Variants in KIF6 observed in about 807,000 individuals in gnomAD.
KIF6 encodes the protein kinesin-like protein KIF6.
A neutral mutation model predicts 112.7 loss-of-function variants in KIF6; 106 were observed. The observed-to-expected ratio is 0.94, with a 90% CI of 0.80 to 1.11. The LOEUF (loss-of-function observed/expected upper bound fraction) is 1.11. Among genes scored for constraint, KIF6 ranks in the 50% least tolerant of loss-of-function variants. KIF6 has a pLI of 0.00. For missense variants in KIF6, 929 were observed against 964.0 expected, an observed-to-expected ratio of 0.96 and a Z score of 0.48; for synonymous variants, 339 against 339.9, an observed-to-expected ratio of 1.00 and a Z score of 0.03.
chr6:39,711,750 A>G (rs1415290634), intron 3 of KIF6, among the ~76,000 whole-genome samples: 1 of 152,218 alleles, frequency 6.6e-6, no homozygotes, highest in African/African-American at 2.4e-5. Flanking sequence ...AGAAATAGGT[A>G]TAACTTTGAG....
At chr6:39,633,051 T>A (rs558086560) in intron 5 of KIF6, among the ~76,000 whole-genome samples, 1 of 152,036 alleles carries the variant, frequency 6.6e-6, no homozygotes, top group Admixed American at 6.6e-5. Context: ...TCTAAGGATA[T>A]CATACTAGAT....
rs979630246 is a variant in KIF6, at chr6:39,639,527, C to T, written c.399+83G>A. On this transcript the variant is annotated intron_variant, in intron 4 of 22. Transcript: ENST00000287152. ...TTTATCATTTAGACACAATAAAATA[C>T]ATGTCATAATAAATTTCCTGCTTTC... 27 of 1,114,966 alleles carry T rather than the reference C, an allele frequency of 2.4e-5. No homozygotes were observed. In the Middle Eastern group the frequency reaches 6.2e-4, roughly 26 times the overall value. The allele number at this position is 1,114,966 out of a possible 1,614,324, so 69.1% of individuals were successfully genotyped here. A position where few individuals can be genotyped will look rare whatever the true frequency, so the allele number is the denominator to read the frequency against.
chr6:39,696,353 C>T (rs902928888), intron 3 of KIF6, among the ~76,000 whole-genome samples: 2 of 152,048 alleles, frequency 1.3e-5, no homozygotes, highest in Non-Finnish European at 2.9e-5. Context: ...CTTCTTCTCC[C>T]ACTTTTTCCT....
At chr6:39,683,429 G>A (rs1298860855) in intron 3 of KIF6, among the ~76,000 whole-genome samples, 7 of 152,136 alleles carry the variant, frequency 4.6e-5, no homozygotes, top group Non-Finnish European at 8.8e-5. Context: ...GGATAATTGA[G>A]GGAGGACAGA....
intron 13 of KIF6, among the ~76,000 whole-genome samples, chr6:39,433,751 G>A (rs1310074319): frequency 6.6e-6 from 1 of 152,210 alleles, no homozygotes; most frequent in Non-Finnish European, 1.5e-5. Context: ...TGCCTGCAGA[G>A]ACTTCAAGGC....
chr6:39,544,643 T>C lies in KIF6; in HGVS notation c.1338A>G (p.Glu446=). ...GTTCTTGACAATCTTGGTCTTTGCT[T>C]TCAGAGGAGACTGTATTGTTTTCAA... ...KILENNTVSS[E]SKDQDCQEPL... is the part of the protein sequence containing the mutation. Residue 446 remains glutamate (E), a synonymous_variant, in exon 12 of 23, where the codon GAA becomes GAG. Coordinates refer to ENST00000287152, the MANE Select transcript of KIF6 (RefSeq NM_145027.6). 1 of 1,612,288 alleles carries C rather than the reference T, an allele frequency of 6.2e-7. No individual in the cohort carries two copies. The highest frequency in any genetic ancestry group is 1.1e-5 in the South Asian group (1 of 90,676).
chr6:39,455,558 G>A lies in KIF6; in HGVS notation c.1646-24397C>T, dbSNP rs1294525443. 2.6e-5 allele frequency among the ~76,000 whole-genome samples: 4 copies of A among 152,038 alleles called. No homozygotes were observed. The East Asian group carries it at 7.8e-4, about 29-fold the overall frequency. ...GAGCTGAAGGAAGAAGGCTTCAGAC[G>A]ATCAAATTACTCTGAGCTACGGGAG... On this transcript the variant is annotated intron_variant, in intron 13 of 22. Transcript: ENST00000287152.
chr6:39,522,368 C>G (rs1777447106), intron 13 of KIF6, among the ~76,000 whole-genome samples: 1 of 152,150 alleles, frequency 6.6e-6, no homozygotes, highest in African/African-American at 2.4e-5. Context: ...TCATCCAGTA[C>G]CCCCAGCCAA....
chr6:39,531,125 A>G (rs1778038089), intron 13 of KIF6, among the ~76,000 whole-genome samples: 1 of 152,224 alleles, frequency 6.6e-6, no homozygotes, highest in South Asian at 2.1e-4. Flanking sequence ...TGGTAGAACT[A>G]TATCCAATAA....
intron 14 of KIF6, among the ~76,000 whole-genome samples, chr6:39,430,828 A>AC (rs1343417877): frequency 6.6e-6 from 1 of 152,228 alleles, no homozygotes; most frequent in African/African-American, 2.4e-5. Flanking sequence ...TCAGTAACAG[A>AC]CCCTGCCCTA....
chr6:39,448,421 C>T (rs955392809), intron 13 of KIF6, among the ~76,000 whole-genome samples: 1 of 152,118 alleles, frequency 6.6e-6, no homozygotes, highest in African/African-American at 2.4e-5. Context: ...GAGATCCACC[C>T]GCCTCATCCT....
chr6:39,400,591 C>A (rs1192579483), intron 15 of KIF6, among the ~76,000 whole-genome samples: 2 of 152,192 alleles, frequency 1.3e-5, no homozygotes, highest in African/African-American at 4.8e-5. Flanking sequence ...TCCCCAAAGG[C>A]TGCCACTTGA....
intron 13 of KIF6, among the ~76,000 whole-genome samples, chr6:39,453,939 T>G (rs9394595): frequency 0.076 from 11,602 of 152,262 alleles, 656 homozygotes; most frequent in East Asian, 0.25. Flanking sequence ...TACACTGCCT[T>G]ATCATCTAAG....
intron 10 of KIF6, among the ~76,000 whole-genome samples, chr6:39,557,764 A>G (rs1779786580): frequency 6.6e-6 from 1 of 152,072 alleles, no homozygotes; most frequent in Non-Finnish European, 1.5e-5. Flanking sequence ...ATGTACACAT[A>G]TACAGATATA....
intron 15 of KIF6, among the ~76,000 whole-genome samples, chr6:39,414,058 T>C (rs1769707778): frequency 6.6e-6 from 1 of 152,224 alleles, no homozygotes; most frequent in Non-Finnish European, 1.5e-5. Context: ...TGCAGTATAA[T>C]GTTGACATGG....
intron 13 of KIF6, among the ~76,000 whole-genome samples, chr6:39,476,757 T>C (rs1774449770): frequency 6.6e-6 from 1 of 152,248 alleles, no homozygotes; most frequent in Admixed American, 6.5e-5. Context: ...AGGTATTTCA[T>C]GTGGGATTCT....
At chr6:39,586,879 T>C (rs1004441335) in intron 7 of KIF6, among the ~76,000 whole-genome samples, 2 of 152,156 alleles carry the variant, frequency 1.3e-5, no homozygotes, top group African/African-American at 4.8e-5. Context: ...CTAGGGCACA[T>C]CACTCAACAT....
chr6:39,429,842 A>C (rs1217569846), intron 14 of KIF6, among the ~76,000 whole-genome samples: 2 of 151,932 alleles, frequency 1.3e-5, no homozygotes, highest in African/African-American at 4.8e-5. Flanking sequence ...CGGGAGGTGG[A>C]GGTTGCAGTG....
At chr6:39,484,808 A>G (rs1003205127) in intron 13 of KIF6, among the ~76,000 whole-genome samples, 10 of 152,106 alleles carry the variant, frequency 6.6e-5, no homozygotes, top group African/African-American at 2.4e-4. Context: ...CCCTTCATAT[A>G]TGGGCCAGGC....
Sources: allele counts gnomAD v4.1 joint callset (sites outside exome capture counted in the v4.1 genomes callset), GRCh38; gene constraint gnomAD v4.1.1; transcripts MANE v1.5; gene names NCBI Gene and HGNC (gene_info 2026-07-23, HGNC 2026-07-21).